The following BRWD3 variants were observed in gnomAD, a reference collection of about 807,000 sequenced individuals.
BRWD3 encodes the protein bromodomain and WD repeat-containing protein 3.
Under a neutral mutation model 149.7 loss-of-function variants are expected in BRWD3, and 10 were observed. The observed-to-expected ratio is 0.07, with a 90% CI of 0.04 to 0.11. The LOEUF (loss-of-function observed/expected upper bound fraction) is 0.11. Ranked by LOEUF, BRWD3 falls within the 10% of genes least tolerant of loss-of-function variation. The probability of loss-of-function intolerance (pLI) is 1.00; values close to 1 mark genes in which losing one functional copy is unlikely to be tolerated. For synonymous variants in BRWD3, 504 were observed against 456.7 expected (o/e 1.10, Z -1.32); for missense variants, 940 against 1,373.2 (o/e 0.68, Z 4.99).
rs760716231 is a variant in BRWD3, at chrX:80,681,524, C to T, written c.4496-25G>A. On this transcript the variant is annotated intron_variant, in intron 39 of 40. Transcript: ENST00000373275. Reference sequence around the variant, plus strand: ...ACTTACATTTTAAAAGATTTTAATACTAACATAATTATCATGTTTTCAGGA... The same window carrying T: ...ACTTACATTTTAAAAGATTTTAATATTAACATAATTATCATGTTTTCAGGA... 7.9e-6 allele frequency: 9 copies of T among 1,141,516 alleles called. No individual in the cohort carries two copies. In the South Asian group the frequency reaches 1.6e-4, roughly 21 times the overall value. 94.1% of individuals were successfully genotyped at this position (1,141,516 alleles called of 1,213,427 possible). A position where few individuals can be genotyped will look rare whatever the true frequency, so the allele number is the denominator to read the frequency against.
At chrX:80,691,474 T>G (rs2072609975) in intron 30 of BRWD3, among the ~76,000 whole-genome samples, 1 of 111,431 alleles carries the variant, frequency 9.0e-6, no homozygotes, top group Non-Finnish European at 1.9e-5. Flanking sequence ...TTTAGCAAAT[T>G]TAACTACTCA....
chrX:80,709,436 A>T lies in BRWD3; in HGVS notation c.2467T>A (p.Ser823Thr). ...AATAGTATATATATAACCTCTGAAG[A>T]ACTGTCTGAGTCTTCCTGTACACCT... ...NSGVQEDSDS[S>T]SEEDETVGTS... Residue 823 changes from serine to threonine, a missense_variant, in exon 21 of 41, where the codon TCT (serine) becomes ACT (threonine). Transcript: ENST00000373275. 1 of 1,207,653 alleles carries T rather than the reference A, an allele frequency of 8.3e-7. No homozygotes were observed.
chrX:80,738,632 G>A (rs1365934310), intron 8 of BRWD3, among the ~76,000 whole-genome samples: 1 of 110,196 alleles, frequency 9.1e-6, no homozygotes, highest in Non-Finnish European at 1.9e-5. Context: ...GGAGGGGGTG[G>A]GGGGGGCAGT....
intron 7 of BRWD3, among the ~76,000 whole-genome samples, 182 bp from the exon 8 acceptor site, chrX:80,744,435 C>T (rs1376761535): frequency 8.9e-6 from 1 of 112,196 alleles, no homozygotes; most frequent in East Asian, 2.8e-4. Flanking sequence ...ATAGCAATAA[C>T]AAAGCATTGT....
chrX:80,732,689 C>T (rs1445355883), intron 12 of BRWD3, among the ~76,000 whole-genome samples: 1 of 111,404 alleles, frequency 9.0e-6, no homozygotes, highest in Non-Finnish European at 1.9e-5. Context: ...TGAACAGAAG[C>T]AGGGTACATC....
intron 4 of BRWD3, among the ~76,000 whole-genome samples, chrX:80,806,282 C>T (rs190285476): frequency 9.0e-6 from 1 of 110,817 alleles, no homozygotes; most frequent in East Asian, 2.8e-4. Context: ...TTAAAAGATA[C>T]GTTAAAATTG....
At chrX:80,796,653 A>G (rs1259996252) in intron 4 of BRWD3, among the ~76,000 whole-genome samples, 5 of 111,866 alleles carry the variant, frequency 4.5e-5, no homozygotes, top group African/African-American at 9.7e-5. Flanking sequence ...GAATCTACCA[A>G]AATAATTGAA....
chrX:80,683,621 G>A (rs914978341), intron 37 of BRWD3, among the ~76,000 whole-genome samples: 24 of 111,725 alleles, frequency 2.1e-4, no homozygotes, highest in African/African-American at 7.4e-4. Flanking sequence ...TTAAATGTGA[G>A]TATAAATAAG....
Position 80,675,230 on chromosome X carries a change from T to A in BRWD3, c.*1379A>T, listed in dbSNP as rs546982891. Reference sequence around the variant, plus strand: ...TGTTTTTTATCTATAAAATAATGATTCACAACATGAGTGTGCAGTGCAATA... The same window carrying A: ...TGTTTTTTATCTATAAAATAATGATACACAACATGAGTGTGCAGTGCAATA... On this transcript the variant is annotated 3_prime_UTR_variant, in exon 41 of 41. Transcript: ENST00000373275. 1 of 111,999 alleles carries A rather than the reference T, an allele frequency of 8.9e-6. No individual in the cohort carries two copies. Among genetic ancestry groups the A allele is most frequent in the South Asian group, 3.7e-4 (1 of 2,699 alleles). 9.2% of individuals were successfully genotyped at this position (111,999 alleles called of 1,213,427 possible). A position where few individuals can be genotyped will look rare whatever the true frequency, so the allele number is the denominator to read the frequency against.
At chrX:80,750,859 C>CACAT (rs779606491) in intron 6 of BRWD3, among the ~76,000 whole-genome samples, 1 of 21,178 alleles carries the variant, frequency 4.7e-5, no homozygotes, top group East Asian at 1.2e-3. Flanking sequence ...GTGTTTTATA[C>CACAT]ACACACACAC....
chrX:80,712,613 G>A (rs1449687328), intron 20 of BRWD3, among the ~76,000 whole-genome samples: 10 of 106,037 alleles, frequency 9.4e-5, no homozygotes, highest in Admixed American at 3.0e-4. Context: ...GCTGCCCATC[G>A]TCTGGGATGT....
At chrX:80,750,746 T>C (rs1602391950) in intron 6 of BRWD3, among the ~76,000 whole-genome samples, 1 of 110,500 alleles carries the variant, frequency 9.0e-6, no homozygotes, top group East Asian at 2.8e-4. Flanking sequence ...GGGATTGAAA[T>C]CAATGTCAAA....
chrX:80,736,124 T>A (rs773556295), intron 8 of BRWD3, 36 bp from the exon 9 acceptor site: 53 of 916,966 alleles, frequency 5.8e-5, no homozygotes, highest in Non-Finnish European at 8.1e-5. Flanking sequence ...AATAAAAAGT[T>A]TTCATGTTCA....
chrX:80,710,295 C>T (rs776545564), intron 20 of BRWD3: 32 of 342,703 alleles, frequency 9.3e-5, no homozygotes, highest in Non-Finnish European at 1.6e-4. Flanking sequence ...GGCTGGAGAC[C>T]ATATGGTGTT....
intron 24 of BRWD3, among the ~76,000 whole-genome samples, chrX:80,702,341 T>C (rs2072802319): frequency 8.9e-6 from 1 of 112,209 alleles, no homozygotes. Context: ...CACCAAAGAA[T>C]GGAGAAAAAT....
intron 6 of BRWD3, among the ~76,000 whole-genome samples, chrX:80,761,872 G>T (rs2073806208): frequency 9.0e-6 from 1 of 111,073 alleles, no homozygotes; most frequent in South Asian, 3.8e-4. Flanking sequence ...AATTTAAAGT[G>T]CATTAGAAAG....
chrX:80,704,655 AAAT>A lies in BRWD3; in HGVS notation c.2721+20_2721+22del. ...CAAAAAACAAAAAATAACAAAAACA[AAAT>A]AACTTATAAAGTTACAAACCTTCTT... On this transcript the variant is annotated intron_variant, in intron 23 of 40. Coordinates refer to ENST00000373275, the MANE Select transcript of BRWD3 (RefSeq NM_153252.5). The A allele has an allele frequency of 4.2e-6, 5 of 1,198,628 alleles. No individual in the cohort carries two copies. Among genetic ancestry groups the A allele is most frequent in the Non-Finnish European group, 5.6e-6 (5 of 887,625 alleles).
chrX:80,788,453 T>G (rs756586382), intron 6 of BRWD3, among the ~76,000 whole-genome samples: 1 of 111,587 alleles, frequency 9.0e-6, no homozygotes, highest in Non-Finnish European at 1.9e-5. Context: ...CTGGCAAATA[T>G]GCACATGAAA....
At chrX:80,768,916 G>GA (rs1355494548) in intron 6 of BRWD3, among the ~76,000 whole-genome samples, 93 of 101,123 alleles carry the variant, frequency 9.2e-4, no homozygotes, top group South Asian at 3.9e-3. Context: ...GCAAAAAAAA[G>GA]AAAAAAAAAA....
Sources: allele counts gnomAD v4.1 joint callset (sites outside exome capture counted in the v4.1 genomes callset), GRCh38; gene constraint gnomAD v4.1.1; transcripts MANE v1.5; gene names NCBI Gene and HGNC (gene_info 2026-07-23, HGNC 2026-07-21).